The following MAPRE2 variants were observed in gnomAD, a reference collection of about 807,000 sequenced individuals.
MAPRE2 encodes the protein microtubule associated protein RP/EB family member 2.
In MAPRE2, 13 loss-of-function variants were observed where a neutral mutation model predicts 43.2. The ratio of observed to expected loss-of-function variants is 0.30; its 90% CI spans 0.20 to 0.48. MAPRE2 has a LOEUF of 0.48. MAPRE2 is among the 20% of genes least tolerant of loss of function. MAPRE2 has a pLI of 0.99. For missense variants in MAPRE2, 161 were observed against 400.2 expected (o/e 0.40, Z 5.10); for synonymous variants, 135 against 148.8 (o/e 0.91, Z 0.68).
rs529279642 is a variant in MAPRE2 at position 34,994,483 on chromosome 18, G to A, written c.-69-11009G>A. Among the ~76,000 whole-genome samples, 3 of 151,758 alleles carry A rather than the reference G, an allele frequency of 2.0e-5. No individual in the cohort carries two copies. In the South Asian group the frequency reaches 6.2e-4, roughly 32 times the overall value. ...TGCCAAGGTCATGTATTACAGAAGA[G>A]GCAGCAAAAAAGGCCTTGGCAGGGC... is the stretch of plus-strand genomic sequence containing the variant. On this transcript the variant is annotated intron_variant, in intron 1 of 7. Transcript: ENST00000413393.
At chr18:35,037,481 C>T (rs894319966), upstream of MAPRE2, among the ~76,000 whole-genome samples, 2 of 152,172 alleles carry the variant, frequency 1.3e-5, no homozygotes, top group Non-Finnish European at 2.9e-5. Flanking sequence ...GCCCCAGGCC[C>T]CCTCTTTAAT....
intron 1 of MAPRE2, among the ~76,000 whole-genome samples, chr18:34,981,304 G>A (rs981111838): frequency 2.0e-5 from 3 of 151,686 alleles, no homozygotes; most frequent in African/African-American, 4.9e-5. Context: ...AATCTGGGGA[G>A]GCAACAGAAG....
At chr18:35,090,705 C>T (rs1908102381) in intron 2 of MAPRE2, among the ~76,000 whole-genome samples, 1 of 146,222 alleles carries the variant, frequency 6.8e-6, no homozygotes, top group African/African-American at 2.6e-5. Context: ...GCACTCCAGC[C>T]TGGGAGACAG....
chr18:35,078,391 C>T (rs552174963), intron 2 of MAPRE2, among the ~76,000 whole-genome samples: 1 of 152,284 alleles, frequency 6.6e-6, no homozygotes, highest in South Asian at 2.1e-4. Flanking sequence ...TAGTTTTATA[C>T]ATTAGGGGTA....
At chr18:34,981,887 A>ATTTTTTT (rs1261290510) in intron 1 of MAPRE2, among the ~76,000 whole-genome samples, 2 of 34,780 alleles carry the variant, frequency 5.8e-5, no homozygotes, top group African/African-American at 1.2e-4. Flanking sequence ...ATTTTTATTT[A>ATTTTTTT]TTTTTTTTTT....
At chr18:34,986,961 T>C (rs952639830) in intron 1 of MAPRE2, among the ~76,000 whole-genome samples, 3 of 152,156 alleles carry the variant, frequency 2.0e-5, no homozygotes, top group Admixed American at 1.3e-4. Context: ...GCTTTCCTGG[T>C]CTGTAAAAGA....
intron 1 of MAPRE2, among the ~76,000 whole-genome samples, chr18:35,047,564 T>C (rs1045031912): frequency 6.6e-6 from 1 of 152,154 alleles, no homozygotes; most frequent in Admixed American, 6.5e-5. Flanking sequence ...ATTTACCTTA[T>C]AGCATAAATC....
chr18:35,066,968 G>A (rs763636001), intron 1 of MAPRE2, among the ~76,000 whole-genome samples: 1 of 152,186 alleles, frequency 6.6e-6, no homozygotes. Flanking sequence ...TTTGAAGTAG[G>A]TATTGAAGTC....
intron 1 of MAPRE2, among the ~76,000 whole-genome samples, chr18:34,979,912 C>T (rs796482869): frequency 2.4e-4 from 36 of 152,160 alleles, no homozygotes; most frequent in African/African-American, 8.4e-4. Context: ...TCTTTTTCTT[C>T]TTTCAGTTTT....
intron 4 of MAPRE2, among the ~76,000 whole-genome samples, chr18:35,122,650 A>G (rs1909731858): frequency 6.6e-6 from 1 of 152,202 alleles, no homozygotes; most frequent in South Asian, 2.1e-4. Flanking sequence ...GTGGGGCAGA[A>G]GCGGTGCTTC....
chr18:35,054,460 AG>A (rs1906112637), intron 1 of MAPRE2, among the ~76,000 whole-genome samples: 1 of 152,190 alleles, frequency 6.6e-6, no homozygotes, highest in South Asian at 2.1e-4. Flanking sequence ...TATTGCCAAA[AG>A]GTTCAGGCCG....
chr18:35,098,142 C>CA (rs1908512891), intron 3 of MAPRE2, among the ~76,000 whole-genome samples: 1 of 152,140 alleles, frequency 6.6e-6, no homozygotes. Context: ...ATGAATTATA[C>CA]TTTTGTCCTG....
intron 2 of MAPRE2, among the ~76,000 whole-genome samples, chr18:35,026,211 G>A (rs756943780): frequency 6.6e-6 from 1 of 152,146 alleles, no homozygotes; most frequent in Non-Finnish European, 1.5e-5. Context: ...AAATGAACAG[G>A]TATGATGTCT....
chr18:35,093,495 C>G (rs962803287), intron 2 of MAPRE2, among the ~76,000 whole-genome samples: 2 of 152,030 alleles, frequency 1.3e-5, no homozygotes, highest in African/African-American at 4.8e-5. Flanking sequence ...TTGACAATAA[C>G]CAAGAAATGG....
At chr18:34,982,073 C>T (rs1043791813) in intron 1 of MAPRE2, among the ~76,000 whole-genome samples, 3 of 151,624 alleles carry the variant, frequency 2.0e-5, no homozygotes, top group Non-Finnish European at 2.9e-5. Flanking sequence ...TTAGTAGAGA[C>T]GGGGTTTCAA....
In MAPRE2 at chr18:35,007,693, C is replaced by T. The variant is rs79713809; in HGVS notation, c.-8+2140C>T. Among the ~76,000 whole-genome samples, 1,013 of 152,328 alleles carry T rather than the reference C, an allele frequency of 6.7e-3. 11 individuals carry two copies. Among genetic ancestry groups the T allele is most frequent in the African/African-American group, 0.023 (965 of 41,572 alleles). On this transcript the variant is annotated intron_variant, in intron 2 of 7. Coordinates refer to the MAPRE2 transcript ENST00000413393. The stretch of plus-strand genomic sequence containing the variant: ...GGCAGAGAACCAAAGAGAGAACCAT[C>T]ATTAGTCCCTCTCCCTTCTCTCTAT...
chr18:35,031,082 G>A (rs2097047605), intron 2 of MAPRE2, among the ~76,000 whole-genome samples: 1 of 152,060 alleles, frequency 6.6e-6, no homozygotes, highest in Admixed American at 6.6e-5. Context: ...CTCCTTCCTT[G>A]CTTTAGTTGT....
At chr18:34,992,801 G>A (rs1214913982) in intron 1 of MAPRE2, among the ~76,000 whole-genome samples, 2 of 152,102 alleles carry the variant, frequency 1.3e-5, no homozygotes, top group East Asian at 3.9e-4. Flanking sequence ...TTCAAAATAC[G>A]AAAGCGGTGT....
chr18:35,038,223 G>C (rs1182443437), upstream of MAPRE2, among the ~76,000 whole-genome samples: 1 of 152,072 alleles, frequency 6.6e-6, no homozygotes, highest in Non-Finnish European at 1.5e-5. Context: ...CACAAACTCA[G>C]CCCTCTGATA....
Sources: gnomAD v4.1 joint callset for allele counts (sites outside exome capture counted in the v4.1 genomes callset) on GRCh38, gnomAD v4.1.1 for gene constraint, MANE v1.5 for transcripts, NCBI Gene and HGNC (gene_info 2026-07-23, HGNC 2026-07-21) for gene names.